The following FBXO47 variants were observed in gnomAD, a reference collection of about 807,000 sequenced individuals.
FBXO47 encodes F-box only protein 47.
In FBXO47, 34 loss-of-function variants were observed where a neutral mutation model predicts 53.9. The ratio of observed to expected loss-of-function variants is 0.63; its 90% CI spans 0.48 to 0.84. FBXO47 has a LOEUF of 0.84. Among genes scored for constraint, FBXO47 ranks in the 40% least tolerant of loss-of-function variants. FBXO47 has a pLI of 0.00. For synonymous variants in FBXO47, 165 were observed against 181.6 expected (o/e 0.91, Z 0.73); for missense variants, 485 against 541.3 (o/e 0.90, Z 1.03).
intron 5 of FBXO47, among the ~76,000 whole-genome samples, chr17:38,952,515 G>C (rs1416944927): frequency 6.6e-6 from 1 of 151,758 alleles, no homozygotes; most frequent in African/African-American, 2.4e-5. Flanking sequence ...TATCTTTTCA[G>C]AGAACTTTTT....
chr17:38,953,459 T>C (rs1224311607), intron 5 of FBXO47, among the ~76,000 whole-genome samples: 1 of 152,002 alleles, frequency 6.6e-6, no homozygotes, highest in Non-Finnish European at 1.5e-5. Context: ...ACCTCGTCTC[T>C]ACTAAAAATA....
At chr17:38,946,511 T>A (rs1467023664) in intron 6 of FBXO47, among the ~76,000 whole-genome samples, 1 of 86,168 alleles carries the variant, frequency 1.2e-5, no homozygotes, top group Non-Finnish European at 1.9e-5. Context: ...TATAACTATA[T>A]AAATATATAT....
intron 6 of FBXO47, among the ~76,000 whole-genome samples, chr17:38,946,903 T>A (rs1329766608): frequency 8.5e-6 from 1 of 117,156 alleles, no homozygotes; most frequent in East Asian, 2.4e-4. Context: ...TAAACATATA[T>A]AAATATATAT....
chr17:38,948,247 T>G (rs1905038721), intron 6 of FBXO47, among the ~76,000 whole-genome samples: 1 of 141,240 alleles, frequency 7.1e-6, no homozygotes, highest in Non-Finnish European at 1.5e-5. Context: ...AGAGTCTTGC[T>G]CGTCACCCAG....
intron 10 of FBXO47, among the ~76,000 whole-genome samples, chr17:38,937,799 CT>C (rs1161324760): frequency 6.6e-6 from 1 of 152,118 alleles, no homozygotes; most frequent in Non-Finnish European, 1.5e-5. Context: ...TCCCGAGTAG[CT>C]GGGACTACAG....
chr17:38,944,191 A>ATGTGTGTG (rs71141737), intron 7 of FBXO47, among the ~76,000 whole-genome samples: 1,809 of 133,630 alleles, frequency 0.014, 20 homozygotes, highest in East Asian at 0.029. Context: ...CAAAAAAAAC[A>ATGTGTGTG]TGTGTGTGTG....
At chr17:38,960,981 T>C (rs1905789524) in intron 3 of FBXO47, among the ~76,000 whole-genome samples, 4 of 152,180 alleles carry the variant, frequency 2.6e-5, no homozygotes, top group Admixed American at 2.6e-4. Context: ...TTCCATATTC[T>C]GTTACAGGCT....
At chr17:38,946,145 TA>T (rs1186036495) in intron 6 of FBXO47, among the ~76,000 whole-genome samples, 1 of 121,046 alleles carries the variant, frequency 8.3e-6, no homozygotes, top group Non-Finnish European at 1.6e-5. Flanking sequence ...TATAAATATA[TA>T]AATACATAAA....
chr17:38,946,331 TAA>T (rs1555560729), intron 6 of FBXO47, among the ~76,000 whole-genome samples: 1 of 90,424 alleles, frequency 1.1e-5, no homozygotes, highest in Non-Finnish European at 1.8e-5. Flanking sequence ...TATAAATATA[TAA>T]ATATATATAA....
intron 6 of FBXO47, among the ~76,000 whole-genome samples, chr17:38,946,141 T>C (rs1454073881): frequency 1.6e-5 from 2 of 122,218 alleles, no homozygotes; most frequent in South Asian, 2.3e-4. Flanking sequence ...CATATATAAA[T>C]ATATAAATAC....
chr17:38,942,501 G>A (rs1279354990), intron 9 of FBXO47, among the ~76,000 whole-genome samples: 1 of 152,142 alleles, frequency 6.6e-6, no homozygotes, highest in Non-Finnish European at 1.5e-5. Context: ...GGCTGAGGCA[G>A]GAGAAATGCT....
intron 1 of FBXO47, among the ~76,000 whole-genome samples, chr17:38,964,146 C>G (rs1905969807): frequency 6.6e-6 from 1 of 152,054 alleles, no homozygotes; most frequent in South Asian, 2.1e-4. Context: ...TAATTCTTCC[C>G]TCAATTCCAC....
chr17:38,939,676 T>C (rs958528483), intron 9 of FBXO47, among the ~76,000 whole-genome samples: 1 of 129,590 alleles, frequency 7.7e-6, no homozygotes, highest in Non-Finnish European at 1.7e-5. Context: ...TTTTTTTTTT[T>C]TTGAGACGGA....
chr17:38,953,098 G>A (rs1175687182), intron 5 of FBXO47, among the ~76,000 whole-genome samples: 2 of 146,148 alleles, frequency 1.4e-5, no homozygotes, highest in Non-Finnish European at 3.0e-5. Flanking sequence ...CCAACATGGT[G>A]AAACCCTGTC....
intron 9 of FBXO47, among the ~76,000 whole-genome samples, chr17:38,941,126 G>A (rs2143884951): frequency 6.6e-6 from 1 of 151,498 alleles, no homozygotes; most frequent in Admixed American, 6.6e-5. Flanking sequence ...TGAGCTCACA[G>A]GCACGCATGC....
chr17:38,951,782 AC>A, intron 5 of FBXO47, 93 bp from the exon 6 acceptor site: 3 of 894,956 alleles, frequency 3.4e-6, no homozygotes, highest in Non-Finnish European at 5.2e-6. Context: ...TGTAATCCCA[AC>A]ACTTTGGGAG....
intron 3 of FBXO47, among the ~76,000 whole-genome samples, chr17:38,957,855 T>A (rs1228050820): frequency 6.6e-6 from 1 of 151,948 alleles, no homozygotes; most frequent in Non-Finnish European, 1.5e-5. Flanking sequence ...TTTTTCTTGA[T>A]ACAGAGTCTC....
In FBXO47 at chr17:38,937,274, A is replaced by G. The variant is rs1475606709; in HGVS notation, c.1260T>C (p.Asp420=). The G allele has an allele frequency of 6.3e-7, 1 of 1,595,260 alleles. No individual in the cohort carries two copies. Among genetic ancestry groups the G allele is most frequent in the Admixed American group, 1.7e-5 (1 of 59,588 alleles). The change falls in exon 11 of 11, where the codon GAT becomes GAC. Residue 420 remains aspartate (D), a synonymous_variant. Transcript: ENST00000378079. ...QSIMSGDRDE[D]DRSFLNLFHL... is the part of the protein sequence containing the mutation. The stretch of plus-strand genomic sequence containing the variant: ...GGAACAAATTCAAAAAGCTTCTGTC[A>G]TCTTCATCACGGTCTCCTATATGCC...
At chr17:38,944,080 G>A (rs1376218176) in intron 7 of FBXO47, among the ~76,000 whole-genome samples, 2 of 151,926 alleles carry the variant, frequency 1.3e-5, no homozygotes, top group Non-Finnish European at 2.9e-5. Flanking sequence ...TACTCAGGAG[G>A]CTGAGGCACG....
Sources: gnomAD v4.1 joint callset for allele counts (sites outside exome capture counted in the v4.1 genomes callset) on GRCh38, gnomAD v4.1.1 for gene constraint, MANE v1.5 for transcripts, NCBI Gene and HGNC (gene_info 2026-07-23, HGNC 2026-07-21) for gene names.